Variants in LRRC4C observed in about 807,000 individuals in gnomAD.
LRRC4C encodes the protein leucine rich repeat containing 4C.
LRRC4C carries 5 observed loss-of-function variants against 33.6 expected under a neutral mutation model. That is an observed-to-expected ratio of 0.15 (90% CI 0.08 to 0.31). The LOEUF (loss-of-function observed/expected upper bound fraction) is 0.31, where lower values mean the gene tolerates loss of function less well. Ranked by LOEUF, LRRC4C falls within the 10% of genes least tolerant of loss-of-function variation. The pLI is 1.00. For synonymous variants in LRRC4C, 329 were observed against 302.0 expected, an observed-to-expected ratio of 1.09 and a Z score of -0.93; for missense variants, 560 against 796.7, an observed-to-expected ratio of 0.70 and a Z score of 3.58.
At chr11:41,115,371 C>T (rs1442173987) in intron 1 of LRRC4C, among the ~76,000 whole-genome samples, 1 of 150,394 alleles carries the variant, frequency 6.6e-6, no homozygotes, top group African/African-American at 2.4e-5. Context: ...CTATATCCCC[C>T]CATCTTTTTT....
In LRRC4C at chr11:41,163,449, A is replaced by G. The variant is rs140357847; in HGVS notation, c.-495-229726T>C. On this transcript the variant is annotated intron_variant, in intron 1 of 6. Coordinates refer to ENST00000528697, the MANE Select transcript of LRRC4C (RefSeq NM_001258419.2). ...CAGGTGTCTGCCATCACACCCAACTAATTTTTGTATTTATAGTAGAGATAG... is the reference window on the plus strand; with the variant it reads ...CAGGTGTCTGCCATCACACCCAACTGATTTTTGTATTTATAGTAGAGATAG... Among the ~76,000 whole-genome samples the G allele has an allele frequency of 2.7e-3, 411 of 150,462 alleles. 3 individuals carry two copies. Among genetic ancestry groups the G allele is most frequent in the African/African-American group, 9.6e-3 (391 of 40,928 alleles).
chr11:40,936,141 A>T (rs1957887779), intron 1 of LRRC4C, among the ~76,000 whole-genome samples: 1 of 144,110 alleles, frequency 6.9e-6, no homozygotes, highest in Non-Finnish European at 1.5e-5. Context: ...TGATTTCCAG[A>T]TATTATAATT....
intron 1 of LRRC4C, among the ~76,000 whole-genome samples, chr11:41,214,817 A>G (rs1047422350): frequency 1.4e-5 from 2 of 146,672 alleles, no homozygotes; most frequent in African/African-American, 5.0e-5. Flanking sequence ...GTGTGTGTAT[A>G]TATATATTAT....
chr11:40,591,415 G>T, intron 3 of LRRC4C, among the ~76,000 whole-genome samples: 1 of 152,088 alleles, frequency 6.6e-6, no homozygotes, highest in East Asian at 1.9e-4. Flanking sequence ...TACCTCAGAT[G>T]GAAATGCAGA....
At chr11:40,730,113 G>C (rs76991196) in intron 2 of LRRC4C, among the ~76,000 whole-genome samples, 4 of 151,942 alleles carry the variant, frequency 2.6e-5, no homozygotes, top group Admixed American at 6.6e-5. Context: ...TGTGGGGTTG[G>C]GGGGGGCAGG....
intron 3 of LRRC4C, among the ~76,000 whole-genome samples, chr11:40,592,420 G>A (rs1005387047): frequency 1.3e-5 from 2 of 152,068 alleles, no homozygotes; most frequent in Non-Finnish European, 1.5e-5. Flanking sequence ...GAAAATTCAC[G>A]TCAATAACAA....
At chr11:41,085,981 C>T (rs1342093838) in intron 1 of LRRC4C, among the ~76,000 whole-genome samples, 1 of 149,468 alleles carries the variant, frequency 6.7e-6, no homozygotes, top group Non-Finnish European at 1.5e-5. Context: ...TGAATCCTTC[C>T]ACCCATTTCT....
intron 3 of LRRC4C, among the ~76,000 whole-genome samples, chr11:40,526,542 C>T (rs1956058851): frequency 6.6e-6 from 1 of 152,084 alleles, no homozygotes; most frequent in African/African-American, 2.4e-5. Context: ...ACTGCAGAGC[C>T]ACTGTTAAAA....
intron 1 of LRRC4C, among the ~76,000 whole-genome samples, chr11:41,183,122 C>T (rs1945527984): frequency 1.3e-5 from 2 of 152,104 alleles, no homozygotes; most frequent in Non-Finnish European, 2.9e-5. Flanking sequence ...TTGTGAGTTA[C>T]AATTCAAGAT....
At chr11:40,641,512 G>T (rs1342966362) in intron 3 of LRRC4C, among the ~76,000 whole-genome samples, 2 of 152,112 alleles carry the variant, frequency 1.3e-5, no homozygotes, top group African/African-American at 4.8e-5. Flanking sequence ...TTAATCTTGT[G>T]AATATTCACT....
At chr11:40,288,110 T>TA (rs1943965687) in intron 4 of LRRC4C, among the ~76,000 whole-genome samples, 1 of 152,194 alleles carries the variant, frequency 6.6e-6, no homozygotes, top group South Asian at 2.1e-4. Context: ...CAGTTGTTAT[T>TA]ACCTCTATTT....
chr11:41,434,928 GGAAAGGAGCAGTAT>G (rs1324139917), intron 1 of LRRC4C, among the ~76,000 whole-genome samples: 2 of 152,116 alleles, frequency 1.3e-5, no homozygotes, highest in African/African-American at 4.8e-5. Context: ...GAGGTGTGAG[GGAAAGGAGCAGTAT>G]CTGGATGCAT....
At position 40,933,905 on chromosome 11, in the gene LRRC4C, T is replaced by C. The variant is rs1300282513; in HGVS notation, c.-495-182A>G. Among the ~76,000 whole-genome samples the C allele has an allele frequency of 3.3e-5, 5 of 152,164 alleles. 1 individual carries two copies. In the East Asian group the frequency reaches 9.6e-4, roughly 29 times the overall value. On this transcript the variant is annotated intron_variant, in intron 1 of 6. Coordinates refer to ENST00000528697, the MANE Select transcript of LRRC4C (RefSeq NM_001258419.2). The stretch of plus-strand genomic sequence containing the variant: ...TATAATATGCCATGCTTGAGGCTTT[T>C]CCCAGAATATAAAAGGCTTTTTGCA...
intron 1 of LRRC4C, among the ~76,000 whole-genome samples, chr11:41,296,988 A>G (rs919072423): frequency 6.6e-6 from 1 of 152,160 alleles, no homozygotes; most frequent in African/African-American, 2.4e-5. Context: ...TTCCCATTTT[A>G]TTCCATTGAT....
intron 1 of LRRC4C, among the ~76,000 whole-genome samples, chr11:41,334,270 A>T (rs1340027936): frequency 6.6e-6 from 1 of 152,204 alleles, no homozygotes; most frequent in Admixed American, 6.5e-5. Flanking sequence ...TGAACTCGTC[A>T]GTTCAAGAAG....
intron 3 of LRRC4C, among the ~76,000 whole-genome samples, chr11:40,512,303 G>C (rs1000510953): frequency 5.9e-5 from 9 of 152,102 alleles, no homozygotes; most frequent in African/African-American, 2.2e-4. Context: ...CAACCCTGGA[G>C]GCAGAGGTTG....
chr11:41,083,387 G>A (rs1310431221), intron 1 of LRRC4C, among the ~76,000 whole-genome samples: 4 of 151,976 alleles, frequency 2.6e-5, no homozygotes, highest in African/African-American at 4.8e-5. Flanking sequence ...AAAACCTAAG[G>A]TAGCAGATAA....
intron 5 of LRRC4C, among the ~76,000 whole-genome samples, chr11:40,157,748 T>C (rs1480462350): frequency 6.6e-6 from 1 of 151,710 alleles, no homozygotes; most frequent in Non-Finnish European, 1.5e-5. Flanking sequence ...AATCAAAAAG[T>C]CAAAAAACAG....
chr11:40,471,514 A>G (rs1416280588), intron 3 of LRRC4C, among the ~76,000 whole-genome samples: 1 of 152,174 alleles, frequency 6.6e-6, no homozygotes, highest in African/African-American at 2.4e-5. Context: ...TCATAATGAC[A>G]GGATCAAATT....
Sources: gnomAD v4.1 joint callset for allele counts (sites outside exome capture counted in the v4.1 genomes callset) on GRCh38, gnomAD v4.1.1 for gene constraint, MANE v1.5 for transcripts, NCBI Gene and HGNC (gene_info 2026-07-23, HGNC 2026-07-21) for gene names.